The following ADAMTSL3 variants were observed in gnomAD, a reference collection of about 807,000 sequenced individuals.
The protein encoded by ADAMTSL3 is ADAMTS like 3, also known as ADAMTS-like protein 3.
A neutral mutation model predicts 201.7 loss-of-function variants in ADAMTSL3; 128 were observed. The observed-to-expected ratio is 0.63, with a 90% CI of 0.55 to 0.73. The LOEUF is 0.73. Ranked by LOEUF, ADAMTSL3 falls within the 30% of genes least tolerant of loss-of-function variation. The probability of loss-of-function intolerance (pLI) is 0.00; values close to 1 mark genes in which losing one functional copy is unlikely to be tolerated. For synonymous variants in ADAMTSL3, 738 were observed against 748.4 expected (o/e 0.99, Z 0.23); for missense variants, 1,990 against 2,119.6 (o/e 0.94, Z 1.20).
chr15:83,699,252 C>A (rs1367226429), intron 2 of ADAMTSL3, among the ~76,000 whole-genome samples: 1 of 152,022 alleles, frequency 6.6e-6, no homozygotes, highest in Non-Finnish European at 1.5e-5. Context: ...TTATGGACAC[C>A]TCCAACTTAA....
intron 2 of ADAMTSL3, among the ~76,000 whole-genome samples, chr15:83,681,075 T>C (rs932743230): frequency 6.6e-6 from 1 of 152,226 alleles, no homozygotes; most frequent in Non-Finnish European, 1.5e-5. Context: ...TATCACTATT[T>C]GCAGTATTCC....
chr15:83,966,818 A>G (rs576093310), intron 19 of ADAMTSL3, among the ~76,000 whole-genome samples: 2 of 152,326 alleles, frequency 1.3e-5, no homozygotes, highest in African/African-American at 4.8e-5. Flanking sequence ...CAGCACATCA[A>G]AAAGATTATC....
At position 83,655,816 on chromosome 15, in the gene ADAMTSL3, T is replaced by G; in HGVS notation, c.55T>G (p.Ser19Ala). Residue 19 changes from serine (S) to alanine (A), a missense_variant, in exon 2 of 30, where the codon TCT becomes GCT. Transcript: ENST00000286744. The stretch of plus-strand genomic sequence containing the variant: ...GCTGATAGGGATGGTCTTCATGCAC[T>G]CTCCCCTCCCGCAGGTAAGGTCATA... Reference protein sequence around the residue: ...WVLIGMVFMHSPLPQTTAEKS... With the variant: ...WVLIGMVFMHAPLPQTTAEKS... 1 of 1,613,942 alleles carries G rather than the reference T, an allele frequency of 6.2e-7. No individual in the cohort carries two copies. Among genetic ancestry groups the G allele is most frequent in the Non-Finnish European group, 8.5e-7 (1 of 1,179,952 alleles).
At chr15:83,869,721 G>A (rs921044688) in intron 8 of ADAMTSL3, among the ~76,000 whole-genome samples, 11 of 152,120 alleles carry the variant, frequency 7.2e-5, no homozygotes, top group South Asian at 4.1e-4. Context: ...GACACTCAAC[G>A]GAGTTTTGGT....
chr15:83,915,848 T>C (rs1317904502), intron 16 of ADAMTSL3, among the ~76,000 whole-genome samples: 1 of 152,244 alleles, frequency 6.6e-6, no homozygotes, highest in Non-Finnish European at 1.5e-5. Context: ...TATGGCCAAG[T>C]GGTATTCCAT....
rs988125720 is a variant in ADAMTSL3 at position 83,835,042 on chromosome 15, G to A, written c.601-3047G>A. On this transcript the variant is annotated intron_variant, in intron 6 of 29. Transcript: ENST00000286744. Reference sequence around the variant, plus strand: ...GAGATCAGGAGATCGAGACCATCCTGGCTAACACAGTGAAACCCTGTCTCT... The same window carrying A: ...GAGATCAGGAGATCGAGACCATCCTAGCTAACACAGTGAAACCCTGTCTCT... Among the ~76,000 whole-genome samples, 13 of 152,092 alleles carry A rather than the reference G, an allele frequency of 8.5e-5. No homozygotes were observed. In the East Asian group the frequency reaches 2.5e-3, roughly 29 times the overall value.
chr15:83,914,835 TTTTG>T (rs892604668), intron 16 of ADAMTSL3, among the ~76,000 whole-genome samples: 96 of 136,936 alleles, frequency 7.0e-4, no homozygotes, highest in Admixed American at 3.8e-4. Flanking sequence ...GTTTGTTGTT[TTTTG>T]TTTGTTTGGT....
chr15:83,920,128 G>A (rs893701462), intron 16 of ADAMTSL3, among the ~76,000 whole-genome samples: 1 of 152,200 alleles, frequency 6.6e-6, no homozygotes, highest in Admixed American at 6.5e-5. Context: ...TTTGCATAGT[G>A]GAGTACAAGA....
intron 3 of ADAMTSL3, among the ~76,000 whole-genome samples, chr15:83,742,622 A>G (rs1451647678): frequency 6.6e-6 from 1 of 152,222 alleles, no homozygotes; most frequent in African/African-American, 2.4e-5. Context: ...AGGAATAACC[A>G]AGTGGAATAA....
chr15:83,821,088 A>G (rs2063856559), intron 6 of ADAMTSL3, among the ~76,000 whole-genome samples: 2 of 151,998 alleles, frequency 1.3e-5, no homozygotes, highest in South Asian at 4.2e-4. Flanking sequence ...AAAAAAAAAA[A>G]TTAAAAAGAC....
At chr15:83,802,135 T>G (rs1277655074) in intron 4 of ADAMTSL3, among the ~76,000 whole-genome samples, 1 of 152,140 alleles carries the variant, frequency 6.6e-6, no homozygotes, top group Non-Finnish European at 1.5e-5. Context: ...ATGCAAAGAT[T>G]TAATCATAAG....
Position 83,892,689 on chromosome 15 carries a change from A to G in ADAMTSL3, c.1268A>G (p.Glu423Gly). Residue 423 changes from glutamate (E) to glycine (G), a missense_variant, in exon 13 of 30, where the codon GAA becomes GGA. Coordinates refer to ENST00000286744, the MANE Select transcript of ADAMTSL3 (RefSeq NM_207517.3). Reference sequence around the variant, plus strand: ...TTTATTTGTTTGCTTTTGAGCTGGGAACATAATCCTTGGACTGCATGTTCC... The same window carrying G: ...TTTATTTGTTTGCTTTTGAGCTGGGGACATAATCCTTGGACTGCATGTTCC... ...YDHFQPLPRWEHNPWTACSVS... is the reference protein window; with the variant it reads ...YDHFQPLPRWGHNPWTACSVS... The G allele has an allele frequency of 6.2e-7, 1 of 1,613,382 alleles. No individual in the cohort carries two copies. Among genetic ancestry groups the G allele is most frequent in the South Asian group, 1.1e-5 (1 of 90,936 alleles).
At chr15:83,970,451 C>G (rs781735817) in intron 19 of ADAMTSL3, 33 bp from the exon 20 acceptor site, 4 of 1,613,380 alleles carry the variant, frequency 2.5e-6, no homozygotes, top group Non-Finnish European at 3.4e-6. Flanking sequence ...TGCTCATGCT[C>G]CATTTGACTC....
rs781515603 is a variant in ADAMTSL3 at position 84,031,419 on chromosome 15, G to A, written c.4741G>A (p.Asp1581Asn). ...ACACAACAGCTCTGACTCCAACTGT[G>A]ATGACAGAAAGAGGTAGGGGCCCCA... ...CQHNSSDSNC[D>N]DRKRPTLRRN... The change falls in exon 28 of 30, where the codon GAT becomes AAT. Residue 1581 changes from aspartate (D) to asparagine (N), a missense_variant. Asp to Asn is a conservative substitution (Grantham distance 23). Transcript: ENST00000286744. 10 of 1,613,954 alleles carry A rather than the reference G, an allele frequency of 6.2e-6. No homozygotes were observed. The highest frequency in any genetic ancestry group is 3.3e-5 in the Admixed American group (2 of 60,000).
At chr15:83,846,509 T>G (rs988117551) in intron 7 of ADAMTSL3, among the ~76,000 whole-genome samples, 1 of 152,150 alleles carries the variant, frequency 6.6e-6, no homozygotes, top group African/African-American at 2.4e-5. Flanking sequence ...AGCACAGAAA[T>G]GGAGTCAGAG....
intron 2 of ADAMTSL3, among the ~76,000 whole-genome samples, chr15:83,693,301 A>G (rs946545595): frequency 1.3e-5 from 2 of 152,228 alleles, no homozygotes; most frequent in African/African-American, 4.8e-5. Context: ...AAGCATGGCC[A>G]GGAGAACAGC....
intron 27 of ADAMTSL3, among the ~76,000 whole-genome samples, chr15:84,030,063 G>A (rs1227553328): frequency 2.0e-5 from 3 of 152,206 alleles, no homozygotes; most frequent in Non-Finnish European, 4.4e-5. Flanking sequence ...TTTGCTGCAG[G>A]AGTAGGGTCC....
At chr15:83,918,059 A>T (rs113256368) in intron 16 of ADAMTSL3, among the ~76,000 whole-genome samples, 3 of 152,246 alleles carry the variant, frequency 2.0e-5, no homozygotes, top group African/African-American at 7.2e-5. Flanking sequence ...TTTTCAGCTT[A>T]TTTTTATGAG....
At chr15:83,869,504 G>C (rs1009507194) in intron 8 of ADAMTSL3, among the ~76,000 whole-genome samples, 1 of 152,096 alleles carries the variant, frequency 6.6e-6, no homozygotes, top group African/African-American at 2.4e-5. Flanking sequence ...AATTTTCCCA[G>C]AAAAGTTCCC....
Sources: gnomAD v4.1 joint callset for allele counts (sites outside exome capture counted in the v4.1 genomes callset) on GRCh38, gnomAD v4.1.1 for gene constraint, MANE v1.5 for transcripts, NCBI Gene and HGNC (gene_info 2026-07-23, HGNC 2026-07-21) for gene names.